The following AGPAT4 variants were observed in gnomAD, a reference collection of about 807,000 sequenced individuals.
AGPAT4 encodes the protein 1-acylglycerol-3-phosphate O-acyltransferase 4.
AGPAT4 carries 15 observed loss-of-function variants against 48.0 expected under a neutral mutation model. The observed-to-expected ratio is 0.31, with a 90% CI of 0.21 to 0.48. The LOEUF (loss-of-function observed/expected upper bound fraction) is 0.48. AGPAT4 is among the 20% of genes least tolerant of loss of function. The pLI, the probability that AGPAT4 is intolerant of heterozygous loss-of-function variation, is 0.99. For synonymous variants in AGPAT4, 178 were observed against 198.7 expected (o/e 0.90, Z 0.88); for missense variants, 314 against 482.5 (o/e 0.65, Z 3.27).
At position 161,272,271 on chromosome 6, in the gene AGPAT4, T is replaced by A. The variant is rs1582927535; in HGVS notation, c.-90+1667A>T. Among the ~76,000 whole-genome samples, 1 of 152,166 alleles carries A rather than the reference T, an allele frequency of 6.6e-6. No individual in the cohort carries two copies. The highest frequency in any genetic ancestry group is 2.4e-5 in the African/African-American group (1 of 41,442). On this transcript the variant is annotated intron_variant, in intron 1 of 8. Coordinates refer to ENST00000320285, the MANE Select transcript of AGPAT4 (RefSeq NM_020133.3). This position sits in a 1 kb window ranked among gnomAD's most constrained non-coding sequence, Gnocchi z 4.2. ...TTCCACATGGCAGGGTTGCTCAAGGTTTATAAGTAATGATTTTGGCTTTAG... is the reference window on the plus strand; with the variant it reads ...TTCCACATGGCAGGGTTGCTCAAGGATTATAAGTAATGATTTTGGCTTTAG...
Position 161,149,317 on chromosome 6 carries a change from AGTATATAGCGTGT to A in AGPAT4, c.665-41_665-29del. The A allele has an allele frequency of 1.3e-6, 2 of 1,590,392 alleles. No homozygotes were observed. Among genetic ancestry groups the A allele is most frequent in the Non-Finnish European group, 1.7e-6 (2 of 1,173,246 alleles). ...ATAAAAAATAAAACAAATACAAAGCAGTATATAGCGTGTGAACCCAATTTTGTTCTGTAGATAC... is the reference window on the plus strand; with the variant it reads ...ATAAAAAATAAAACAAATACAAAGCAGAACCCAATTTTGTTCTGTAGATAC... On this transcript the variant is annotated intron_variant, in intron 5 of 8. Coordinates refer to ENST00000320285, the MANE Select transcript of AGPAT4 (RefSeq NM_020133.3). This position sits in a 1 kb window ranked among gnomAD's most constrained non-coding sequence, Gnocchi z 6.5.
chr6:161,150,589 C>G (rs1295392356), intron 5 of AGPAT4, among the ~76,000 whole-genome samples: 1 of 152,196 alleles, frequency 6.6e-6, no homozygotes, highest in Non-Finnish European at 1.5e-5. Flanking sequence ...GCTGCCTGAC[C>G]ACCATGCGGG....
At chr6:161,269,089 G>A (rs3798955) in intron 1 of AGPAT4, among the ~76,000 whole-genome samples, 7,349 of 152,290 alleles carry the variant, frequency 0.048, 297 homozygotes, top group East Asian at 0.24. Flanking sequence ...GACGCAGGTA[G>A]TTTTTCTTTT....
Position 161,171,299 on chromosome 6 carries a change from G to C in AGPAT4, c.179-4882C>G, listed in dbSNP as rs550786063. ...TGCTGTAACAGAATAGTTGAGACTG[G>C]GCAATTTACAAAGAACAGAGATTTA... is the stretch of plus-strand genomic sequence containing the variant. On this transcript the variant is annotated intron_variant, in intron 2 of 8. Coordinates refer to ENST00000320285, the MANE Select transcript of AGPAT4 (RefSeq NM_020133.3). This position sits in a 1 kb window ranked among gnomAD's most constrained non-coding sequence, Gnocchi z 4.4. 9.2e-5 allele frequency among the ~76,000 whole-genome samples: 14 copies of C among 152,338 alleles called. No individual in the cohort carries two copies. Among genetic ancestry groups the C allele is most frequent in the African/African-American group, 3.4e-4 (14 of 41,584 alleles).
In AGPAT4 at chr6:161,211,122, G is replaced by A. The variant is rs142493708; in HGVS notation, c.178+20914C>T. Among the ~76,000 whole-genome samples, 170 of 152,210 alleles carry A rather than the reference G, an allele frequency of 1.1e-3. 2 individuals carry two copies. In the Middle Eastern group the frequency reaches 0.031, roughly 27 times the overall value. Reference sequence around the variant, plus strand: ...TCTCAGTTATAATTTTCCAACAGTGGTACCATAACTTTAAATGGTGACTAT... The same window carrying A: ...TCTCAGTTATAATTTTCCAACAGTGATACCATAACTTTAAATGGTGACTAT... On this transcript the variant is annotated intron_variant, in intron 2 of 8. Coordinates refer to ENST00000320285, the MANE Select transcript of AGPAT4 (RefSeq NM_020133.3).
rs1271705732 is a variant in AGPAT4 at position 161,136,388 on chromosome 6, C to T, written c.*152G>A. On this transcript the variant is annotated 3_prime_UTR_variant, in exon 9 of 9. Coordinates refer to ENST00000320285, the MANE Select transcript of AGPAT4 (RefSeq NM_020133.3). ...ACAAAACATCTTCCTCCCCATCCGG[C>T]CTTGAGACCAGACTCCCTGGCTGGA... 3.1e-6 allele frequency: 2 copies of T among 637,620 alleles called. No homozygotes were observed. Among genetic ancestry groups the T allele is most frequent in the Admixed American group, 2.8e-5 (1 of 36,066 alleles). 39.5% of individuals were successfully genotyped at this position (637,620 alleles called of 1,614,324 possible).
Position 161,159,078 on chromosome 6 carries a change from G to A in AGPAT4, c.349-4768C>T, listed in dbSNP as rs1370116179. 6.6e-6 allele frequency among the ~76,000 whole-genome samples: 1 copy of A among 152,182 alleles called. No homozygotes were observed. Among genetic ancestry groups the A allele is most frequent in the Admixed American group, 6.5e-5 (1 of 15,278 alleles). ...TGAGATGTTCCTTAACAATAAAGCA[G>A]GCTAAACAGCCTGCCTTTGAGTCCT... On this transcript the variant is annotated intron_variant, in intron 3 of 8. Transcript: ENST00000320285. This position sits in a 1 kb window ranked among gnomAD's most constrained non-coding sequence, Gnocchi z 4.1.
chr6:161,136,501 T>C lies in AGPAT4; in HGVS notation c.*39A>G, dbSNP rs766995844. ...AAGGAGGATATGCAGAGGCCACCAG[T>C]TCCCCAAGGTTCCCTTCGGATGGTG... On this transcript the variant is annotated 3_prime_UTR_variant, in exon 9 of 9. Coordinates refer to ENST00000320285, the MANE Select transcript of AGPAT4 (RefSeq NM_020133.3). 2.0e-5 allele frequency: 31 copies of C among 1,575,774 alleles called. No homozygotes were observed. Among genetic ancestry groups the C allele is most frequent in the Non-Finnish European group, 2.1e-5 (24 of 1,145,810 alleles).
chr6:161,187,227 A>G (rs1780795528), intron 2 of AGPAT4, among the ~76,000 whole-genome samples: 3 of 152,206 alleles, frequency 2.0e-5, no homozygotes, highest in Middle Eastern at 3.2e-3. Flanking sequence ...TCCGCCTTCC[A>G]TACTTTCTTT....
In AGPAT4 at chr6:161,234,231, T is replaced by C. The variant is rs965640525; in HGVS notation, c.-89-1929A>G. On this transcript the variant is annotated intron_variant, in intron 1 of 8. Transcript: ENST00000320285. This position sits in a 1 kb window ranked among gnomAD's most constrained non-coding sequence, Gnocchi z 4.4. ...CACAGGGAGGCATGTTTGCACTTAC[T>C]GGGACTATCCAGAAGGCAGGCTGCA... Among the ~76,000 whole-genome samples, 1 of 152,182 alleles carries C rather than the reference T, an allele frequency of 6.6e-6. No homozygotes were observed. The highest frequency in any genetic ancestry group is 2.4e-5 in the African/African-American group (1 of 41,440).
At position 161,147,836 on chromosome 6, in the gene AGPAT4, T is replaced by A. The variant is rs1197535745; in HGVS notation, c.768-1237A>T. ...TTCAGCAACTTGACATTATCGCCCTTGATGTTTCAGTGCTTTGTACTGATG... is the reference window on the plus strand; with the variant it reads ...TTCAGCAACTTGACATTATCGCCCTAGATGTTTCAGTGCTTTGTACTGATG... On this transcript the variant is annotated intron_variant, in intron 6 of 8. Transcript: ENST00000320285. This position sits in a 1 kb window ranked among gnomAD's most constrained non-coding sequence, Gnocchi z 4.8. Among the ~76,000 whole-genome samples, 1 of 152,248 alleles carries A rather than the reference T, an allele frequency of 6.6e-6. No individual in the cohort carries two copies.
Position 161,249,775 on chromosome 6 carries a change from G to A in AGPAT4, c.-89-17473C>T, listed in dbSNP as rs1486594146. 6.6e-6 allele frequency among the ~76,000 whole-genome samples: 1 copy of A among 152,168 alleles called. No individual in the cohort carries two copies. The highest frequency in any genetic ancestry group is 2.4e-5 in the African/African-American group (1 of 41,440). Reference sequence around the variant, plus strand: ...GCAATTCCTCAAAGACCTAAAAACAGAAATATCATTCGACCCAGCAATCCC... The same window carrying A: ...GCAATTCCTCAAAGACCTAAAAACAAAAATATCATTCGACCCAGCAATCCC... On this transcript the variant is annotated intron_variant, in intron 1 of 8. Transcript: ENST00000320285. The surrounding 1 kb of genome is among the most constrained non-coding windows in gnomAD (Gnocchi z 6.2).
chr6:161,205,535 A>G (rs896540799), intron 2 of AGPAT4, among the ~76,000 whole-genome samples: 5 of 152,168 alleles, frequency 3.3e-5, no homozygotes, highest in African/African-American at 1.2e-4. Flanking sequence ...GGGAAACTTA[A>G]AATCCACTTA....
Position 161,217,497 on chromosome 6 carries a change from TG to T in AGPAT4, c.178+14538del, listed in dbSNP as rs1478459482. ...AGACATGCTTCTCCCTGTGTGTCCCTGGGGGAGTCCATCAGGTGCATGGTAA... is the reference window on the plus strand; with the variant it reads ...AGACATGCTTCTCCCTGTGTGTCCCTGGGGAGTCCATCAGGTGCATGGTAA... On this transcript the variant is annotated intron_variant, in intron 2 of 8. Transcript: ENST00000320285. The surrounding 1 kb of genome is among the most constrained non-coding windows in gnomAD (Gnocchi z 4.9). Among the ~76,000 whole-genome samples, 1 of 152,196 alleles carries T rather than the reference TG, an allele frequency of 6.6e-6. No homozygotes were observed. Among genetic ancestry groups the T allele is most frequent in the Non-Finnish European group, 1.5e-5 (1 of 68,036 alleles).
rs1351312766 is a variant in AGPAT4, at chr6:161,169,185, T to C, written c.179-2768A>G. ...TACCAGAGTAAGGAGTTATGATTTA[T>C]GATTTCATTCTAAAGGCAATATAAA... On this transcript the variant is annotated intron_variant, in intron 2 of 8. Coordinates refer to ENST00000320285, the MANE Select transcript of AGPAT4 (RefSeq NM_020133.3). The surrounding 1 kb of genome is among the most constrained non-coding windows in gnomAD (Gnocchi z 5.0). 6.6e-6 allele frequency among the ~76,000 whole-genome samples: 1 copy of C among 152,130 alleles called. No individual in the cohort carries two copies. The highest frequency in any genetic ancestry group is 1.5e-5 in the Non-Finnish European group (1 of 68,036).
rs891162421 is a variant in AGPAT4, at chr6:161,180,920, C to G, written c.179-14503G>C. 2.0e-5 allele frequency among the ~76,000 whole-genome samples: 3 copies of G among 151,978 alleles called. No individual in the cohort carries two copies. Among genetic ancestry groups the G allele is most frequent in the Non-Finnish European group, 2.9e-5 (2 of 68,024 alleles). On this transcript the variant is annotated intron_variant, in intron 2 of 8. Coordinates refer to ENST00000320285, the MANE Select transcript of AGPAT4 (RefSeq NM_020133.3). This position sits in a 1 kb window ranked among gnomAD's most constrained non-coding sequence, Gnocchi z 6.4. ...TTGTGCTGTTCAGCTTAAGAGATTA[C>G]TAATAGGAAAAAGAAGTAGATAGAC...
At position 161,148,730 on chromosome 6, in the gene AGPAT4, A is replaced by G. The variant is rs962941232; in HGVS notation, c.767+457T>C. Among the ~76,000 whole-genome samples the G allele has an allele frequency of 6.6e-6, 1 of 152,228 alleles. No homozygotes were observed. The highest frequency in any genetic ancestry group is 1.5e-5 in the Non-Finnish European group (1 of 68,038). ...GCAGGCAGAGAGAACTAGTTTGACT[A>G]ATATGTTCTGGAAGTGTCTTCAATA... On this transcript the variant is annotated intron_variant, in intron 6 of 8. Coordinates refer to ENST00000320285, the MANE Select transcript of AGPAT4 (RefSeq NM_020133.3). This position sits in a 1 kb window ranked among gnomAD's most constrained non-coding sequence, Gnocchi z 5.5.
At chr6:161,241,454 T>A (rs1782487462) in intron 1 of AGPAT4, among the ~76,000 whole-genome samples, 1 of 152,144 alleles carries the variant, frequency 6.6e-6, no homozygotes, top group African/African-American at 2.4e-5. Context: ...TAACTAACCT[T>A]TAGTCCCTCT....
At chr6:161,250,914 A>C (rs1318494325) in intron 1 of AGPAT4, among the ~76,000 whole-genome samples, 1 of 152,148 alleles carries the variant, frequency 6.6e-6, no homozygotes, top group East Asian at 1.9e-4. Flanking sequence ...TTTCCCCTCC[A>C]TGACTTTTTT....
Sources: allele counts gnomAD v4.1 joint callset (sites outside exome capture counted in the v4.1 genomes callset), GRCh38; gene constraint gnomAD v4.1.1; non-coding constraint Gnocchi (gnomAD v3.1); transcripts MANE v1.5; gene names NCBI Gene and HGNC (gene_info 2026-07-23, HGNC 2026-07-21).